Variants in GRIN3A observed in about 807,000 individuals in gnomAD.
GRIN3A encodes the protein glutamate receptor ionotropic, NMDA 3A.
A neutral mutation model predicts 92.4 loss-of-function variants in GRIN3A; 47 were observed. That is an observed-to-expected ratio of 0.51 (90% CI 0.40 to 0.65). The LOEUF (loss-of-function observed/expected upper bound fraction) is 0.65. Ranked by LOEUF, GRIN3A falls within the 30% of genes least tolerant of loss-of-function variation. GRIN3A has a pLI of 0.00. For missense variants in GRIN3A, 1,324 were observed against 1,393.1 expected (o/e 0.95, Z 0.79); for synonymous variants, 527 against 540.6 (o/e 0.97, Z 0.35).
At chr9:101,603,806 A>G (rs1188150512) in intron 6 of GRIN3A, among the ~76,000 whole-genome samples, 1 of 152,246 alleles carries the variant, frequency 6.6e-6, no homozygotes, top group East Asian at 1.9e-4. Context: ...TCGAAGGGCA[A>G]GGCCAAATTG....
chr9:101,675,465 G>A (rs545742943), intron 2 of GRIN3A, among the ~76,000 whole-genome samples: 2 of 151,960 alleles, frequency 1.3e-5, no homozygotes, highest in East Asian at 1.9e-4. Flanking sequence ...ATCATAAAAT[G>A]AGCAACACAT....
chr9:101,653,977 G>T (rs1829048189), intron 3 of GRIN3A, among the ~76,000 whole-genome samples: 1 of 151,798 alleles, frequency 6.6e-6, no homozygotes, highest in African/African-American at 2.4e-5. Context: ...GTGGTTAGGA[G>T]CTCTTTCTGG....
intron 6 of GRIN3A, among the ~76,000 whole-genome samples, chr9:101,596,234 G>C (rs1197029228): frequency 6.6e-6 from 1 of 152,064 alleles, no homozygotes; most frequent in Non-Finnish European, 1.5e-5. Context: ...CATTAAGTCT[G>C]GCCATTTTAC....
Position 101,628,261 on chromosome 9 carries a change from A to G in GRIN3A, c.2493T>C (p.Tyr831=). 1 of 1,613,940 alleles carries G rather than the reference A, an allele frequency of 6.2e-7. No individual in the cohort carries two copies. The highest frequency in any genetic ancestry group is 1.1e-5 in the South Asian group (1 of 91,072). ...NVPATPDGVE[Y]LKNDPEKLDA... is the part of the protein sequence containing the mutation. Reference sequence around the variant, plus strand: ...TCCAAGAGGTTGACACTCACTTCAGATACTCCACTCCATCAGGGGTGGCTG... The same window carrying G: ...TCCAAGAGGTTGACACTCACTTCAGGTACTCCACTCCATCAGGGGTGGCTG... Residue 831 remains tyrosine, a synonymous_variant, in exon 4 of 9, where the codon TAT becomes TAC. Coordinates refer to ENST00000361820, the MANE Select transcript of GRIN3A (RefSeq NM_133445.3).
At chr9:101,598,661 G>T (rs1374142250) in intron 6 of GRIN3A, among the ~76,000 whole-genome samples, 2 of 152,002 alleles carry the variant, frequency 1.3e-5, no homozygotes, top group Non-Finnish European at 1.5e-5. Flanking sequence ...TAATTTTATT[G>T]TTACTTACCC....
chr9:101,573,631 A>C, intron 8 of GRIN3A, 118 bp from the exon 9 acceptor site: 1 of 820,826 alleles, frequency 1.2e-6, no homozygotes, highest in Non-Finnish European at 2.0e-6. Context: ...TTAGAGATGA[A>C]GTAACAAAGC....
intron 1 of GRIN3A, among the ~76,000 whole-genome samples, chr9:101,691,047 TTTTTAG>T (rs1829610252): frequency 6.6e-6 from 1 of 152,094 alleles, no homozygotes; most frequent in Non-Finnish European, 1.5e-5. Flanking sequence ...GCACACCGTA[TTTTTAG>T]TTTTAAACAC....
At chr9:101,713,684 G>A (rs951579220) in intron 1 of GRIN3A, among the ~76,000 whole-genome samples, 2 of 152,190 alleles carry the variant, frequency 1.3e-5, no homozygotes, top group African/African-American at 4.8e-5. Context: ...TGAATCCTAA[G>A]TTAGACGGTG....
chr9:101,687,144 G>T lies in GRIN3A; in HGVS notation c.756C>A (p.Val252=). Residue 252 remains valine (V), a synonymous_variant, in exon 2 of 9, where the codon GTC becomes GTA. Coordinates refer to ENST00000361820, the MANE Select transcript of GRIN3A (RefSeq NM_133445.3). Reference sequence around the variant, plus strand: ...TGTTCATGGTCAGGATTGAGACAGTGACATCAGCATCAGAACTTAATGAAT... The same window carrying T: ...TGTTCATGGTCAGGATTGAGACAGTTACATCAGCATCAGAACTTAATGAAT... ...LENSLSSDAD[V]TVSILTMNNW... is the part of the protein sequence containing the mutation. 6.2e-7 allele frequency: 1 copy of T among 1,613,656 alleles called. No individual in the cohort carries two copies. The highest frequency in any genetic ancestry group is 1.1e-5 in the South Asian group (1 of 91,052).
At chr9:101,711,059 T>C (rs994973819) in intron 1 of GRIN3A, among the ~76,000 whole-genome samples, 1 of 152,218 alleles carries the variant, frequency 6.6e-6, no homozygotes, top group Non-Finnish European at 1.5e-5. Context: ...AATATCTTAC[T>C]GTACTGTACT....
At chr9:101,617,750 A>G (rs576333365) in intron 5 of GRIN3A, among the ~76,000 whole-genome samples, 1 of 119,290 alleles carries the variant, frequency 8.4e-6, no homozygotes, top group East Asian at 2.1e-4. Flanking sequence ...TGCACCCACT[A>G]CTCGTCATCT....
At chr9:101,649,664 T>C (rs1329305359) in intron 3 of GRIN3A, among the ~76,000 whole-genome samples, 2 of 152,016 alleles carry the variant, frequency 1.3e-5, no homozygotes, top group African/African-American at 2.4e-5. Context: ...CAGGGGATTT[T>C]TGTGCTTCTC....
chr9:101,574,033 A>T (rs1564116865), intron 8 of GRIN3A, among the ~76,000 whole-genome samples: 1 of 152,138 alleles, frequency 6.6e-6, no homozygotes, highest in Non-Finnish European at 1.5e-5. Context: ...AAAAAAGCAT[A>T]TAAGCCACAG....
At chr9:101,582,731 C>A (rs1395506580) in intron 6 of GRIN3A, among the ~76,000 whole-genome samples, 1 of 152,122 alleles carries the variant, frequency 6.6e-6, no homozygotes, top group Non-Finnish European at 1.5e-5. Context: ...ACTGTAACAT[C>A]ATCAAACATT....
At chr9:101,666,853 C>T (rs1447257789) in intron 3 of GRIN3A, among the ~76,000 whole-genome samples, 3 of 152,038 alleles carry the variant, frequency 2.0e-5, no homozygotes, top group Non-Finnish European at 4.4e-5. Flanking sequence ...ATCCTTTCTT[C>T]AGTGACCAAA....
intron 6 of GRIN3A, among the ~76,000 whole-genome samples, chr9:101,611,089 G>A (rs1195298765): frequency 7.0e-6 from 1 of 143,824 alleles, no homozygotes; most frequent in Non-Finnish European, 1.5e-5. Flanking sequence ...CAGTGTGAGA[G>A]TCTGTCTCAA....
chr9:101,576,841 G>T (rs1163451715), intron 8 of GRIN3A, among the ~76,000 whole-genome samples: 1 of 152,182 alleles, frequency 6.6e-6, no homozygotes, highest in East Asian at 1.9e-4. Context: ...AGACTGCATA[G>T]AAGGGGACTG....
At chr9:101,577,260 T>TG (rs1263301225) in intron 8 of GRIN3A, among the ~76,000 whole-genome samples, 1 of 152,120 alleles carries the variant, frequency 6.6e-6, no homozygotes, top group Non-Finnish European at 1.5e-5. Context: ...GAGTAGGGAG[T>TG]GGAAATATGC....
chr9:101,638,379 C>G (rs575170806), intron 3 of GRIN3A, among the ~76,000 whole-genome samples: 1 of 152,198 alleles, frequency 6.6e-6, no homozygotes, highest in African/African-American at 2.4e-5. Context: ...TCTTCTATGA[C>G]CCTGGCCTCC....
Sources: gnomAD v4.1 joint callset for allele counts (sites outside exome capture counted in the v4.1 genomes callset) on GRCh38, gnomAD v4.1.1 for gene constraint, MANE v1.5 for transcripts, NCBI Gene and HGNC (gene_info 2026-07-23, HGNC 2026-07-21) for gene names.